COL4A3: variants seen among roughly 807,000 people sequenced by gnomAD.
COL4A3 encodes collagen type IV alpha 3 chain.
In COL4A3, 135 loss-of-function variants were observed where a neutral mutation model predicts 217.4. That is an observed-to-expected ratio of 0.62 (90% CI 0.54 to 0.72). The LOEUF (loss-of-function observed/expected upper bound fraction) is 0.72. Among genes scored for constraint, COL4A3 ranks in the 30% least tolerant of loss-of-function variants. COL4A3 has a pLI of 0.00. For missense variants in COL4A3, 1,868 were observed against 2,119.9 expected, an observed-to-expected ratio of 0.88 and a Z score of 2.33; for synonymous variants, 690 against 736.3, an observed-to-expected ratio of 0.94 and a Z score of 1.02.
intron 19 of COL4A3, 133 bp downstream of exon 19, chr2:227,260,010 G>T (rs768965543): frequency 1.4e-5 from 11 of 786,074 alleles, no homozygotes; most frequent in Admixed American, 3.4e-5. Flanking sequence ...TTTCATAAAG[G>T]TGTTATTTTT....
chr2:227,263,276 C>G (rs2070703009), intron 20 of COL4A3, among the ~76,000 whole-genome samples: 1 of 152,214 alleles, frequency 6.6e-6, no homozygotes, highest in South Asian at 2.1e-4. Flanking sequence ...CTCCTCACAT[C>G]CTCACCACTT....
intron 1 of COL4A3, among the ~76,000 whole-genome samples, chr2:227,220,284 G>A (rs371069775): frequency 2.7e-5 from 4 of 146,540 alleles, no homozygotes; most frequent in African/African-American, 7.6e-5. Flanking sequence ...CCAGGTTCAC[G>A]TGATTATCCT....
rs2069367602 is a variant in COL4A3, at chr2:227,246,763, A to C, written c.441+25A>C. The C allele has an allele frequency of 1.9e-6, 3 of 1,586,852 alleles. No homozygotes were observed. In the East Asian group the frequency reaches 6.7e-5, roughly 35 times the overall value. ...GGTAGGTTTGCATGCCTAATTCCCC[A>C]ACAAAGACATAAAGTATAAATAACA... On this transcript the variant is annotated intron_variant, in intron 7 of 51. Transcript: ENST00000396578.
chr2:227,274,839 G>A (rs2071462938), intron 26 of COL4A3, among the ~76,000 whole-genome samples: 1 of 152,040 alleles, frequency 6.6e-6, no homozygotes, highest in South Asian at 2.1e-4. Flanking sequence ...AGCAAACGGT[G>A]GTGGACCACA....
intron 1 of COL4A3, among the ~76,000 whole-genome samples, chr2:227,227,040 T>C (rs939050270): frequency 3.9e-5 from 6 of 152,236 alleles, no homozygotes; most frequent in Admixed American, 1.3e-4. Context: ...AAAATGTTAT[T>C]TCTCTCTTAA....
chr2:227,311,839 G>C lies in COL4A3; in HGVS notation c.4982G>C (p.Arg1661Pro). 1 of 1,613,878 alleles carries C rather than the reference G, an allele frequency of 6.2e-7. No individual in the cohort carries two copies. Among genetic ancestry groups the C allele is most frequent in the Non-Finnish European group, 8.5e-7 (1 of 1,179,894 alleles). ...KAGELEKIIS[R>P]CQVCMKKRH is the part of the protein sequence containing the mutation. ...GGGGAATTAGAAAAAATAATAAGTC[G>C]CTGTCAGGTGTGCATGAAGAAAAGA... Residue 1661 changes from arginine to proline, a missense_variant, in exon 52 of 52, where the codon CGC becomes CCC. Around this residue, in one of 2 missense-constraint regions of COL4A3, gnomAD observed 1,503 missense variants for 1,786.1 expected, o/e 0.84. Coordinates refer to ENST00000396578, the MANE Select transcript of COL4A3 (RefSeq NM_000091.5).
rs765652921 is a variant in COL4A3, at chr2:227,254,097, C to T, written c.766-15C>T. The T allele has an allele frequency of 1.9e-6, 3 of 1,612,004 alleles. No homozygotes were observed. Among genetic ancestry groups the T allele is most frequent in the Admixed American group, 1.7e-5 (1 of 59,988 alleles). On this transcript the variant is annotated splice_polypyrimidine_tract_variant and intron_variant, in intron 13 of 51. Coordinates refer to ENST00000396578, the MANE Select transcript of COL4A3 (RefSeq NM_000091.5). ...TTCATCCATTTGTAACAATGTTGAA[C>T]TGTTTCTTTGGCAGGACCTCAAGGG...
At position 227,270,756 on chromosome 2, in the gene COL4A3, G is replaced by T. The variant is rs751918677; in HGVS notation, c.1576-14G>T. ...AACAAAATACAATACAGATTCATTT[G>T]TGTACTACCCTAGGGTTTCCCAGGT... On this transcript the variant is annotated splice_polypyrimidine_tract_variant and intron_variant, in intron 24 of 51. Transcript: ENST00000396578. The T allele has an allele frequency of 2.5e-6, 4 of 1,612,064 alleles. No individual in the cohort carries two copies. In the Admixed American group the frequency reaches 6.7e-5, roughly 27 times the overall value.
intron 1 of COL4A3, among the ~76,000 whole-genome samples, chr2:227,192,831 T>G (rs748497274): frequency 6.6e-6 from 1 of 152,178 alleles, no homozygotes; most frequent in Non-Finnish European, 1.5e-5. Flanking sequence ...CTTTCTATAG[T>G]GAAGAAAATT....
At chr2:227,284,381 G>A in intron 34 of COL4A3, 36 bp downstream of exon 34, 1 of 1,597,136 alleles carries the variant, frequency 6.3e-7, no homozygotes, top group Non-Finnish European at 8.5e-7. Flanking sequence ...GGACATCAGA[G>A]CTGATTCTCA....
intron 1 of COL4A3, among the ~76,000 whole-genome samples, chr2:227,195,859 C>T (rs1233199139): frequency 5.9e-5 from 9 of 151,320 alleles, no homozygotes; most frequent in Admixed American, 2.0e-4. Context: ...TTGATGATCC[C>T]GACCGTGTAT....
In COL4A3 at chr2:227,164,679, G is replaced by A. The variant is rs1576996280; in HGVS notation, c.-48G>A. On this transcript the variant is annotated 5_prime_UTR_variant, in exon 1 of 52. Coordinates refer to ENST00000396578, the MANE Select transcript of COL4A3 (RefSeq NM_000091.5). The surrounding 1 kb of genome is among the most constrained non-coding windows in gnomAD (Gnocchi z 4.8). ...CTGCGCAGGAGACGCGGTGGCCTGA[G>A]AGCCTGAGGGTCCCCGGACTCGCCC... 6.5e-7 allele frequency: 1 copy of A among 1,529,722 alleles called. No homozygotes were observed. Among genetic ancestry groups the A allele is most frequent in the African/African-American group, 1.4e-5 (1 of 72,450 alleles). The allele number at this position is 1,529,722 out of a possible 1,614,324, so 94.8% of individuals were successfully genotyped here.
Position 227,298,812 on chromosome 2 carries a change from G to A in COL4A3, c.3882G>A (p.Leu1294=), listed in dbSNP as rs1175132282. 1 of 1,613,184 alleles carries A rather than the reference G, an allele frequency of 6.2e-7. No homozygotes were observed. Among genetic ancestry groups the A allele is most frequent in the African/African-American group, 1.3e-5 (1 of 74,850 alleles). ...TAGDMGPPGR[L]GAPGTPGLPG... is the part of the protein sequence containing the mutation. ...GAGACATGGGACCACCAGGTCGTCT[G>A]GTGAGTATGGATAATTATTTTGACT... is the stretch of plus-strand genomic sequence containing the variant. The change falls in exon 43 of 52, where the codon CTG becomes CTA. Residue 1294 remains leucine, a splice_region_variant and synonymous_variant. Transcript: ENST00000396578.
intron 39 of COL4A3, 100 bp downstream of exon 39, chr2:227,294,670 TC>T: frequency 1.1e-6 from 1 of 893,888 alleles, no homozygotes; most frequent in East Asian, 2.4e-5. Flanking sequence ...AGAAGGTAGC[TC>T]CTAGTTACTC....
chr2:227,190,126 T>A (rs1244916328), intron 1 of COL4A3, among the ~76,000 whole-genome samples: 2 of 152,158 alleles, frequency 1.3e-5, no homozygotes, highest in Non-Finnish European at 2.9e-5. Context: ...CCCTGATGCA[T>A]CTTAGCTGCA....
intron 1 of COL4A3, among the ~76,000 whole-genome samples, chr2:227,166,169 A>T (rs181968716): frequency 6.6e-6 from 1 of 152,222 alleles, no homozygotes; most frequent in African/African-American, 2.4e-5. Flanking sequence ...TTACATTTAG[A>T]TTATTCACTG....
At chr2:227,238,547 GAAATCTCATT>G (rs2068833804) in intron 2 of COL4A3, among the ~76,000 whole-genome samples, 2 of 152,158 alleles carry the variant, frequency 1.3e-5, no homozygotes, top group African/African-American at 4.8e-5. Context: ...GGAATGCCGT[GAAATCTCATT>G]AATTCGCTCC....
chr2:227,169,184 T>C (rs1577014289), intron 1 of COL4A3: 1 of 151,352 alleles, frequency 6.6e-6, no homozygotes, highest in Non-Finnish European at 1.5e-5. Context: ...AATGATGATT[T>C]CCAGTTTCAT....
chr2:227,189,667 T>G (rs1215664758), intron 1 of COL4A3, among the ~76,000 whole-genome samples: 1 of 152,210 alleles, frequency 6.6e-6, no homozygotes, highest in African/African-American at 2.4e-5. Context: ...GGCTTGAAAT[T>G]GTAAGTAACC....
Sources: allele counts gnomAD v4.1 joint callset (sites outside exome capture counted in the v4.1 genomes callset), GRCh38; gene constraint gnomAD v4.1.1; regional missense constraint gnomAD v4.1.1; non-coding constraint Gnocchi (gnomAD v3.1); transcripts MANE v1.5; gene names NCBI Gene and HGNC (gene_info 2026-07-23, HGNC 2026-07-21).